Variants in LTBP1 observed in about 807,000 individuals in gnomAD.
LTBP1 encodes latent-transforming growth factor beta-binding protein 1.
Under a neutral mutation model 207.6 loss-of-function variants are expected in LTBP1, and 129 were observed. The observed-to-expected ratio is 0.62, with a 90% CI of 0.54 to 0.72. The LOEUF is 0.72. Ranked by LOEUF, LTBP1 falls within the 30% of genes least tolerant of loss-of-function variation. The pLI is 0.00. For missense variants in LTBP1, 2,281 were observed against 2,217.2 expected (o/e 1.03, Z -0.58); for synonymous variants, 963 against 833.7 (o/e 1.16, Z -2.67).
At chr2:33,089,112 C>T (rs1253357390) in intron 3 of LTBP1, among the ~76,000 whole-genome samples, 1 of 143,004 alleles carries the variant, frequency 7.0e-6, no homozygotes, top group African/African-American at 2.6e-5. Flanking sequence ...GCCAAGATCG[C>T]ACCACTGCAC....
chr2:33,101,532 TG>T lies in LTBP1; in HGVS notation c.864-9049del, dbSNP rs202231579. Among the ~76,000 whole-genome samples, 1,208 of 152,338 alleles carry T rather than the reference TG, an allele frequency of 7.9e-3. 9 individuals carry two copies. Among genetic ancestry groups the T allele is most frequent in the Middle Eastern group, 0.01 (3 of 294 alleles). On this transcript the variant is annotated intron_variant, in intron 3 of 33. Transcript: ENST00000404816. Reference sequence around the variant, plus strand: ...TACCCTTATATCACTATGAAGGAGTTGAGGTAATTCTTCCCTTCCTTCCCAT... The same window carrying T: ...TACCCTTATATCACTATGAAGGAGTTAGGTAATTCTTCCCTTCCTTCCCAT...
chr2:33,036,455 CG>C (rs1318727929), intron 3 of LTBP1, among the ~76,000 whole-genome samples: 2 of 127,584 alleles, frequency 1.6e-5, no homozygotes, highest in African/African-American at 2.5e-5. Flanking sequence ...TCATGATGAA[CG>C]TTTTTTTTTT....
intron 2 of LTBP1, among the ~76,000 whole-genome samples, chr2:32,954,648 A>C (rs1286986898): frequency 6.7e-6 from 1 of 149,660 alleles, no homozygotes; most frequent in African/African-American, 2.5e-5. Context: ...TAGGACTTCA[A>C]CACTTTGTTT....
At chr2:33,010,407 G>A (rs1687512809) in intron 2 of LTBP1, among the ~76,000 whole-genome samples, 1 of 152,172 alleles carries the variant, frequency 6.6e-6, no homozygotes, top group African/African-American at 2.4e-5. Context: ...ATTGGTTAAT[G>A]AGCACAAACA....
chr2:33,243,724 A>G lies in LTBP1; in HGVS notation c.1939A>G (p.Ser647Gly), dbSNP rs368856913. The G allele has an allele frequency of 1.1e-5, 17 of 1,613,876 alleles. No individual in the cohort carries two copies. The East Asian group carries it at 2.7e-4, about 25-fold the overall frequency. Residue 647 changes from serine to glycine, a missense_variant, in exon 10 of 34, where the codon AGC (serine) becomes GGC (glycine). Transcript: ENST00000404816. ...PNGECLNTMG[S>G]YRCTCKIGFG... Reference sequence around the variant, plus strand: ...TGGTGAGTGTTTGAATACCATGGGCAGCTATCGATGTACCTGCAAAATAGG... The same window carrying G: ...TGGTGAGTGTTTGAATACCATGGGCGGCTATCGATGTACCTGCAAAATAGG...
At chr2:32,953,972 G>A (rs143677046) in intron 2 of LTBP1, among the ~76,000 whole-genome samples, 22 of 152,286 alleles carry the variant, frequency 1.4e-4, no homozygotes, top group Admixed American at 4.6e-4. Flanking sequence ...AGGAGCTGCC[G>A]ATGGGGTGGG....
chr2:33,190,477 T>C (rs2087738365), intron 7 of LTBP1, among the ~76,000 whole-genome samples: 1 of 152,062 alleles, frequency 6.6e-6, no homozygotes, highest in Non-Finnish European at 1.5e-5. Context: ...GGAGGGGAGA[T>C]TGTAGACCTG....
intron 24 of LTBP1, among the ~76,000 whole-genome samples, chr2:33,327,261 T>G (rs1180728757): frequency 6.6e-6 from 1 of 152,230 alleles, no homozygotes; most frequent in Admixed American, 6.5e-5. Context: ...AAATAGGTCT[T>G]ACTTCCGTCT....
intron 7 of LTBP1, 152 bp downstream of exon 7, chr2:33,189,003 GC>G: frequency 1.2e-6 from 1 of 850,980 alleles, no homozygotes; most frequent in African/African-American, 1.7e-5. Context: ...AAGTTTTATT[GC>G]CACACTCATA....
chr2:33,254,042 A>C (rs1048220188), intron 11 of LTBP1, among the ~76,000 whole-genome samples: 1 of 150,754 alleles, frequency 6.6e-6, no homozygotes, highest in Non-Finnish European at 1.5e-5. Context: ...GGCACCCACC[A>C]CCACGCCTGG....
At chr2:32,998,741 C>T (rs993133223) in intron 2 of LTBP1, among the ~76,000 whole-genome samples, 2 of 152,040 alleles carry the variant, frequency 1.3e-5, no homozygotes, top group Admixed American at 6.5e-5. Context: ...CAAGAGCTTG[C>T]CTCCCCACTC....
chr2:33,183,479 C>T (rs748497422), intron 5 of LTBP1, among the ~76,000 whole-genome samples: 18 of 152,268 alleles, frequency 1.2e-4, no homozygotes, highest in Non-Finnish European at 2.5e-4. Flanking sequence ...TCATGATTTG[C>T]GAACCAAAGA....
chr2:33,346,555 G>A (rs146053076), intron 25 of LTBP1, among the ~76,000 whole-genome samples: 3,573 of 152,038 alleles, frequency 0.024, 53 homozygotes, highest in Middle Eastern at 0.065. Context: ...ATGGTGGTAC[G>A]TGCCTATAAT....
rs1264902962 is a variant in LTBP1 at position 33,244,799 on chromosome 2, A to C, written c.1999+1015A>C. ...CAATTTAAATGGCTGCATGGCAGAA[A>C]ACTATTAGGATAATTTTAAGAACAA... On this transcript the variant is annotated intron_variant, in intron 10 of 33. Transcript: ENST00000404816. 4.6e-5 allele frequency among the ~76,000 whole-genome samples: 7 copies of C among 152,304 alleles called. No individual in the cohort carries two copies. In the South Asian group the frequency reaches 8.3e-4, roughly 18 times the overall value.
chr2:33,237,652 G>C (rs2092112448), intron 9 of LTBP1, among the ~76,000 whole-genome samples: 1 of 152,170 alleles, frequency 6.6e-6, no homozygotes, highest in South Asian at 2.1e-4. Flanking sequence ...GGTAAAGCCA[G>C]ATCTTCTTAT....
intron 9 of LTBP1, 61 bp from the exon 10 acceptor site, chr2:33,243,601 T>C: frequency 1.9e-6 from 3 of 1,557,262 alleles, no homozygotes; most frequent in Non-Finnish European, 2.6e-6. Flanking sequence ...ATGCAATGTA[T>C]AGCCAGAATC....
chr2:33,343,074 T>C, intron 25 of LTBP1, 111 bp downstream of exon 25: 4 of 1,247,258 alleles, frequency 3.2e-6, no homozygotes, highest in Non-Finnish European at 4.4e-6. Flanking sequence ...TTTATCGTAA[T>C]TTGATTTTGT....
intron 3 of LTBP1, among the ~76,000 whole-genome samples, chr2:33,054,938 G>T (rs2076918399): frequency 6.6e-6 from 1 of 152,134 alleles, no homozygotes; most frequent in Non-Finnish European, 1.5e-5. Flanking sequence ...GGACGAGGGG[G>T]CAGCTTTTTC....
At chr2:33,327,096 G>A (rs190288122) in intron 24 of LTBP1, among the ~76,000 whole-genome samples, 3 of 152,250 alleles carry the variant, frequency 2.0e-5, no homozygotes, top group East Asian at 3.9e-4. Flanking sequence ...GTGGAGTGGG[G>A]AAAGGAACCA....
Sources: allele counts gnomAD v4.1 joint callset (sites outside exome capture counted in the v4.1 genomes callset), GRCh38; gene constraint gnomAD v4.1.1; transcripts MANE v1.5; gene names NCBI Gene and HGNC (gene_info 2026-07-23, HGNC 2026-07-21).